The following PRPF18 variants were observed in gnomAD, a reference collection of about 807,000 sequenced individuals.
PRPF18 encodes pre-mRNA processing factor 18.
Under a neutral mutation model 46.5 loss-of-function variants are expected in PRPF18, and 38 were observed. The observed-to-expected ratio is 0.82, with a 90% CI of 0.63 to 1.07. The LOEUF is 1.07. PRPF18 is among the 50% of genes least tolerant of loss of function. The pLI, the probability that PRPF18 is intolerant of heterozygous loss-of-function variation, is 0.00. For synonymous variants in PRPF18, 152 were observed against 146.7 expected (o/e 1.04, Z -0.26); for missense variants, 263 against 410.0 (o/e 0.64, Z 3.10).
chr10:13,615,899 GGTC>G (rs1043899480), intron 8 of PRPF18, among the ~76,000 whole-genome samples: 2 of 152,140 alleles, frequency 1.3e-5, no homozygotes, highest in Non-Finnish European at 2.9e-5. Context: ...GACCCTGTGT[GGTC>G]GTCGGCACAT....
intron 4 of PRPF18, among the ~76,000 whole-genome samples, chr10:13,606,072 T>G (rs149395131): frequency 6.6e-6 from 1 of 152,150 alleles, no homozygotes; most frequent in Admixed American, 6.5e-5. Context: ...ATCTGTGAAG[T>G]AAACCACCAC....
chr10:13,608,563 G>A (rs923194543), intron 4 of PRPF18, among the ~76,000 whole-genome samples: 2 of 152,280 alleles, frequency 1.3e-5, no homozygotes, highest in East Asian at 3.9e-4. Context: ...TGCTCTGGTT[G>A]AAATCTTGTT....
chr10:13,626,546 C>T (rs781357435), intron 9 of PRPF18, among the ~76,000 whole-genome samples: 7 of 152,000 alleles, frequency 4.6e-5, no homozygotes, highest in African/African-American at 7.3e-5. Flanking sequence ...GCTTTTGAGG[C>T]GTGTGCGTGC....
the PRPF18 span, chr10:13,652,117 C>A: frequency 2.5e-4 from 169 of 678,226 alleles, 2 homozygotes; most frequent in Middle Eastern, 7.4e-4. Flanking sequence ...ACAGATCATA[C>A]AAGTCATGCA....
At chr10:13,597,697 T>A (rs761181864) in intron 2 of PRPF18, 162 bp downstream of exon 2, 21 of 1,579,160 alleles carry the variant, frequency 1.3e-5, no homozygotes, top group South Asian at 6.8e-5. Flanking sequence ...TTTGCATTTT[T>A]AAAAAAATCT....
chr10:13,587,209 G>C (rs768083160), intron 1 of PRPF18, 57 bp downstream of exon 1: 11 of 1,541,790 alleles, frequency 7.1e-6, no homozygotes, highest in Non-Finnish European at 9.9e-6. Context: ...TGTGTGTCGG[G>C]GTTTTGGGGT....
chr10:13,626,243 A>C (rs2080503102), intron 9 of PRPF18, among the ~76,000 whole-genome samples: 1 of 152,206 alleles, frequency 6.6e-6, no homozygotes, highest in African/African-American at 2.4e-5. Flanking sequence ...TAGCAGTACA[A>C]GTGGGTCCAG....
At chr10:13,606,087 C>T (rs1171865732) in intron 4 of PRPF18, among the ~76,000 whole-genome samples, 1 of 152,112 alleles carries the variant, frequency 6.6e-6, no homozygotes, top group Non-Finnish European at 1.5e-5. Flanking sequence ...CACCACGACA[C>T]ACGTTTCCCT....
chr10:13,591,171 C>T (rs2079956119), intron 1 of PRPF18, among the ~76,000 whole-genome samples: 2 of 152,174 alleles, frequency 1.3e-5, no homozygotes, highest in Non-Finnish European at 1.5e-5. Context: ...AACTAGGCGT[C>T]TTTTCTGTTG....
chr10:13,590,382 G>A (rs1380291525), intron 1 of PRPF18, among the ~76,000 whole-genome samples: 1 of 149,956 alleles, frequency 6.7e-6, no homozygotes, highest in Admixed American at 6.7e-5. Flanking sequence ...GGGGTGGGCA[G>A]ATCACGAGAT....
chr10:13,600,184 A>G, intron 2 of PRPF18, 60 bp from the exon 3 acceptor site: 2 of 1,318,206 alleles, frequency 1.5e-6, no homozygotes, highest in Non-Finnish European at 2.1e-6. Flanking sequence ...AGGTAATGGA[A>G]TGATAAATAT....
chr10:13,649,060 A>G, the PRPF18 span, among the ~76,000 whole-genome samples: 1 of 152,222 alleles, frequency 6.6e-6, no homozygotes, highest in Non-Finnish European at 1.5e-5. Flanking sequence ...GAACAGTATC[A>G]CCTATTAACA....
chr10:13,621,294 T>C (rs2080416603), intron 9 of PRPF18, among the ~76,000 whole-genome samples: 2 of 152,326 alleles, frequency 1.3e-5, no homozygotes, highest in African/African-American at 4.8e-5. Flanking sequence ...ACCCTTGCCC[T>C]GTGGCTTCTG....
chr10:13,642,267 GT>G, the PRPF18 span: 1 of 152,258 alleles, frequency 6.6e-6, no homozygotes, highest in Non-Finnish European at 1.5e-5. Flanking sequence ...TTGTGTGCCT[GT>G]TTGTCTCGTC....
At chr10:13,611,362 G>T (rs140117238) in intron 5 of PRPF18, among the ~76,000 whole-genome samples, 42 of 152,134 alleles carry the variant, frequency 2.8e-4, no homozygotes, top group African/African-American at 7.7e-4. Flanking sequence ...AGAACATTTT[G>T]GTTCCCCCAA....
At chr10:13,654,419 G>A in the PRPF18 span, 3 of 1,596,208 alleles carry the variant, frequency 1.9e-6, no homozygotes, top group South Asian at 2.2e-5. Context: ...AACTCACCCA[G>A]TCTGCCAGGT....
intron 5 of PRPF18, 148 bp downstream of exon 5, chr10:13,610,333 C>G (rs904255103): frequency 1.9e-5 from 17 of 904,460 alleles, no homozygotes; most frequent in Non-Finnish European, 2.5e-5. Context: ...TTATTTACTC[C>G]CCTTTTTCTC....
rs2079883490 is a variant in PRPF18, at chr10:13,587,107, G to A, written c.21G>A (p.Glu7=). The A allele has an allele frequency of 1.2e-6, 2 of 1,614,222 alleles. No individual in the cohort carries two copies. Among genetic ancestry groups the A allele is most frequent in the African/African-American group, 2.7e-5 (2 of 75,066 alleles). ...GCGAGATGGACATTCTGAAATCAGA[G>A]ATCCTTCGGAAGCGGCAGCTGGTGG... MDILKS[E]ILRKRQLVED... Residue 7 remains glutamate (E), a synonymous_variant, in exon 1 of 10, where the codon GAG becomes GAA. Coordinates refer to ENST00000378572, the MANE Select transcript of PRPF18 (RefSeq NM_003675.4).
chr10:13,629,959 T>C (rs1433213920), intron 9 of PRPF18, among the ~76,000 whole-genome samples: 1 of 152,262 alleles, frequency 6.6e-6, no homozygotes, highest in African/African-American at 2.4e-5. Context: ...TCATTTTTAC[T>C]GCTGTAAGAT....
Sources: gnomAD v4.1 joint callset for allele counts (sites outside exome capture counted in the v4.1 genomes callset) on GRCh38, gnomAD v4.1.1 for gene constraint, MANE v1.5 for transcripts, NCBI Gene and HGNC (gene_info 2026-07-23, HGNC 2026-07-21) for gene names.